The following HOXD3 variants were observed in gnomAD, a reference collection of about 807,000 sequenced individuals.
HOXD3 encodes the protein homeobox D3, also known as homeobox protein Hox-D3.
In HOXD3, 13 loss-of-function variants were observed where a neutral mutation model predicts 32.8. The ratio of observed to expected loss-of-function variants is 0.40; its 90% CI spans 0.26 to 0.63. HOXD3 has a LOEUF of 0.63. HOXD3 is among the 20% of genes least tolerant of loss of function. The pLI is 0.44. For synonymous variants in HOXD3, 241 were observed against 246.8 expected (o/e 0.98, Z 0.22); for missense variants, 504 against 577.1 (o/e 0.87, Z 1.30).
chr2:176,167,675 G>A (rs1029758512), intron 2 of HOXD3, among the ~76,000 whole-genome samples: 1 of 141,658 alleles, frequency 7.1e-6, no homozygotes, highest in Non-Finnish European at 1.5e-5. Context: ...GAAACCAGGT[G>A]GGGGGAGACC....
At chr2:176,167,724 G>C (rs1225525007) in intron 2 of HOXD3, among the ~76,000 whole-genome samples, 1 of 132,734 alleles carries the variant, frequency 7.5e-6, no homozygotes, top group Non-Finnish European at 1.6e-5. Flanking sequence ...TTAAGTTCTG[G>C]CTGTTCTGAG....
upstream of HOXD3, chr2:176,152,755 C>T (rs201536867): frequency 1.2e-6 from 2 of 1,614,178 alleles, no homozygotes; most frequent in Admixed American, 1.7e-5. This position sits in a 1 kb window ranked among gnomAD's most constrained non-coding sequence, Gnocchi z 5.2. Context: ...CTGTGTCTGT[C>T]GGAGCGCCAG....
chr2:176,171,576 T>C lies in HOXD3; in HGVS notation c.601T>C (p.Tyr201His). The change falls in exon 4 of 4, where the codon TAC (tyrosine) becomes CAC (histidine). Residue 201 changes from tyrosine (Y) to histidine (H), a missense_variant. By Grantham distance (83) the Tyr-to-His change is moderately conservative (BLOSUM62 2). Transcript: ENST00000683222. ...GPASKRVRTA[Y>H]TSAQLVELEK... The stretch of plus-strand genomic sequence containing the variant: ...AGCATCCAAGCGGGTACGCACGGCA[T>C]ACACGAGCGCGCAGCTGGTGGAATT... The C allele has an allele frequency of 6.2e-7, 1 of 1,613,042 alleles. No individual in the cohort carries two copies. Among genetic ancestry groups the C allele is most frequent in the Non-Finnish European group, 8.5e-7 (1 of 1,179,364 alleles).
intron 1 of HOXD3, among the ~76,000 whole-genome samples, chr2:176,159,823 G>C (rs1690741512): frequency 6.6e-6 from 1 of 152,246 alleles, no homozygotes; most frequent in African/African-American, 2.4e-5. Context: ...GGGAAGTCGC[G>C]GCTTGGCGGT....
chr2:176,161,171 T>C (rs1390705951), intron 1 of HOXD3: 1 of 152,220 alleles, frequency 6.6e-6, no homozygotes, highest in Non-Finnish European at 1.5e-5. Context: ...TTTTGTGTAA[T>C]CTGTGATCTT....
intron 2 of HOXD3, among the ~76,000 whole-genome samples, chr2:176,167,539 T>C (rs2301301): frequency 0.26 from 39,872 of 152,032 alleles, 5,572 homozygotes; most frequent in Non-Finnish European, 0.31. Flanking sequence ...CTCCTGTTGG[T>C]GTTTATCCCC....
rs1324296898 is a variant in HOXD3 at position 176,172,979 on chromosome 2, T to C, written c.*705T>C. ...TCATGGGTAGAGTCAGGAAGCCCGG[T>C]GGCGTGGCACAACACACTTTGGTCA... On this transcript the variant is annotated 3_prime_UTR_variant, in exon 4 of 4. Coordinates refer to ENST00000683222, the MANE Select transcript of HOXD3 (RefSeq NM_006898.5). The C allele has an allele frequency of 6.6e-6, 1 of 152,662 alleles. No individual in the cohort carries two copies. The highest frequency in any genetic ancestry group is 1.5e-5 in the Non-Finnish European group (1 of 68,056). The allele number at this position is 152,662 out of a possible 1,614,324, so 9.5% of individuals were successfully genotyped here. A position where few individuals can be genotyped will look rare whatever the true frequency, so the allele number is the denominator to read the frequency against.
upstream of HOXD3, chr2:176,152,973 C>T (rs770239552): frequency 6.3e-7 from 1 of 1,599,890 alleles, no homozygotes; most frequent in East Asian, 2.2e-5. This position sits in a 1 kb window ranked among gnomAD's most constrained non-coding sequence, Gnocchi z 5.2. Context: ...TCTCTCCCTG[C>T]GCACCAGGCT....
At chr2:176,171,413 TGGG>T (rs1691175045) in intron 3 of HOXD3, 101 bp from the exon 4 acceptor site, 2 of 1,055,134 alleles carry the variant, frequency 1.9e-6, no homozygotes, top group Non-Finnish European at 2.7e-6. Context: ...GGATTGGAGG[TGGG>T]GGGAGGGAGG....
chr2:176,158,245 GA>G (rs1264273589), intron 1 of HOXD3, among the ~76,000 whole-genome samples: 10 of 152,350 alleles, frequency 6.6e-5, no homozygotes, highest in Admixed American at 1.3e-4. Flanking sequence ...GGGGCGACGG[GA>G]AGCCTGGGGA....
At chr2:176,159,397 C>T (rs1365247742) in intron 1 of HOXD3, among the ~76,000 whole-genome samples, 4 of 152,198 alleles carry the variant, frequency 2.6e-5, no homozygotes, top group South Asian at 2.1e-4. Flanking sequence ...TGCGGTGGAC[C>T]TTACCCACTC....
chr2:176,163,857 C>T (rs943463212), intron 1 of HOXD3, among the ~76,000 whole-genome samples: 1 of 152,192 alleles, frequency 6.6e-6, no homozygotes, highest in East Asian at 1.9e-4. Context: ...CTCCCCTCCC[C>T]CATCCAGCCA....
rs1574989965 is a variant in HOXD3 at position 176,172,233 on chromosome 2, C to T, written c.1258C>T (p.Gln420Ter). 1.2e-6 allele frequency: 2 copies of T among 1,608,826 alleles called. No homozygotes were observed. The highest frequency in any genetic ancestry group is 1.7e-6 in the Non-Finnish European group (2 of 1,179,422). The change falls in exon 4 of 4, where the codon CAG becomes TAG. Residue 420 changes from glutamine (Q) to a stop codon, truncating the protein, a stop_gained. Transcript: ENST00000683222. LOFTEE classifies it high-confidence loss of function. Reference protein sequence around the residue: ...YTDLSAHHSSQGRLPEAPKLT... With the variant: ...YTDLSAHHSS ...AGATCTCTCGGCCCACCACTCGTCTCAGGGACGACTGCCGGAGGCTCCCAA... is the reference window on the plus strand; with the variant it reads ...AGATCTCTCGGCCCACCACTCGTCTTAGGGACGACTGCCGGAGGCTCCCAA...
chr2:176,160,518 C>T (rs1406453078), intron 1 of HOXD3, among the ~76,000 whole-genome samples: 1 of 152,264 alleles, frequency 6.6e-6, no homozygotes, highest in African/African-American at 2.4e-5. Context: ...TGCGCCCTTC[C>T]TTCCAGCCCC....
rs1691225849 is a variant in HOXD3 at position 176,172,346 on chromosome 2, C to T, written c.*72C>T. ...TAGTGGTGGGGTAGAGGGTGGGGCC[C>T]GCGGGGCAGTTCGGGAACCCCCTTC... On this transcript the variant is annotated 3_prime_UTR_variant, in exon 4 of 4. Transcript: ENST00000683222. 2.1e-5 allele frequency: 29 copies of T among 1,408,770 alleles called. No individual in the cohort carries two copies. The highest frequency in any genetic ancestry group is 1.1e-4 in the South Asian group (8 of 72,688). The allele number at this position is 1,408,770 out of a possible 1,614,324, so 87.3% of individuals were successfully genotyped here.
At chr2:176,170,038 C>T (rs1436039421) in intron 3 of HOXD3, among the ~76,000 whole-genome samples, 4 of 152,192 alleles carry the variant, frequency 2.6e-5, no homozygotes, top group African/African-American at 9.7e-5. Flanking sequence ...TCACACGAAT[C>T]TCATTCCCTT....
chr2:176,170,082 A>G (rs1290449951), intron 3 of HOXD3, among the ~76,000 whole-genome samples: 1 of 152,208 alleles, frequency 6.6e-6, no homozygotes, highest in Admixed American at 6.5e-5. Flanking sequence ...AGAAAGTACC[A>G]TACTAAGTAC....
intron 1 of HOXD3, among the ~76,000 whole-genome samples, chr2:176,162,902 A>G (rs1329315236): frequency 3.3e-5 from 5 of 152,202 alleles, no homozygotes; most frequent in Admixed American, 1.3e-4. Context: ...GCGAAAGTTG[A>G]CGTCCGCCCA....
Position 176,171,588 on chromosome 2 carries a change from C to T in HOXD3, c.613C>T (p.Gln205Ter), listed in dbSNP as rs927048525. Residue 205 changes from glutamine (Q) to a stop codon, truncating the protein, a stop_gained, in exon 4 of 4, where the codon CAG becomes TAG. Coordinates refer to ENST00000683222, the MANE Select transcript of HOXD3 (RefSeq NM_006898.5). LOFTEE classifies it high-confidence loss of function. The part of the protein sequence containing the change: ...KRVRTAYTSA[Q>*]LVELEKEFHF... ...GGTACGCACGGCATACACGAGCGCG[C>T]AGCTGGTGGAATTGGAAAAGGAATT... The T allele has an allele frequency of 6.2e-7, 1 of 1,613,702 alleles. No homozygotes were observed. The highest frequency in any genetic ancestry group is 8.5e-7 in the Non-Finnish European group (1 of 1,179,842).
Sources: allele counts gnomAD v4.1 joint callset (sites outside exome capture counted in the v4.1 genomes callset), GRCh38; gene constraint gnomAD v4.1.1; non-coding constraint Gnocchi (gnomAD v3.1); transcripts MANE v1.5; gene names NCBI Gene and HGNC (gene_info 2026-07-23, HGNC 2026-07-21).